Variants in LRP5 observed in about 807,000 individuals in gnomAD.
LRP5 encodes the protein low-density lipoprotein receptor-related protein 5.
A neutral mutation model predicts 154.1 loss-of-function variants in LRP5; 62 were observed. The ratio of observed to expected loss-of-function variants is 0.40; its 90% CI spans 0.33 to 0.50. The LOEUF (loss-of-function observed/expected upper bound fraction) is 0.50. Among genes scored for constraint, LRP5 ranks in the 20% least tolerant of loss-of-function variants. The probability of loss-of-function intolerance (pLI) is 0.55; values close to 1 mark genes in which losing one functional copy is unlikely to be tolerated. For synonymous variants in LRP5, 966 were observed against 1,011.5 expected, an observed-to-expected ratio of 0.96 and a Z score of 0.85; for missense variants, 1,915 against 2,336.7, an observed-to-expected ratio of 0.82 and a Z score of 3.72.
At chr11:68,358,877 G>C (rs943560715) in intron 3 of LRP5, among the ~76,000 whole-genome samples, 1 of 152,208 alleles carries the variant, frequency 6.6e-6, no homozygotes, top group African/African-American at 2.4e-5. Context: ...TGGGACGGCA[G>C]ACCCCATTCC....
chr11:68,416,234 G>GA lies in LRP5; in HGVS notation c.2828-93dup, dbSNP rs1325892665. ...GTGGACCTCCAGCGGGGCAGATGCT[G>GA]AGCCGCCTGTTGTCGAGTGGCGTGC... On this transcript the variant is annotated intron_variant, in intron 12 of 22. Coordinates refer to ENST00000294304, the MANE Select transcript of LRP5 (RefSeq NM_002335.4). 4.6e-6 allele frequency: 5 copies of GA among 1,092,020 alleles called. No homozygotes were observed. The African/African-American group carries it at 7.7e-5, about 17-fold the overall frequency. 67.6% of individuals were successfully genotyped at this position (1,092,020 alleles called of 1,614,324 possible).
intron 1 of LRP5, among the ~76,000 whole-genome samples, chr11:68,340,456 ACC>A (rs2098608282): frequency 1.6e-4 from 25 of 152,076 alleles, no homozygotes; most frequent in Admixed American, 1.6e-3. Context: ...ATTAATGAAA[ACC>A]ACTACCCCCT....
At position 68,348,206 on chromosome 11, in the gene LRP5, G is replaced by T; in HGVS notation, c.451G>T (p.Asp151Tyr). The T allele has an allele frequency of 1.2e-6, 2 of 1,610,114 alleles. No individual in the cohort carries two copies. The highest frequency in any genetic ancestry group is 1.1e-5 in the South Asian group (1 of 91,080). ...SRKVLFWQDL[D>Y]QPRAIALDPA... ...GAAGGTGCTCTTCTGGCAGGACCTTGACCAGCCGAGGGCCATCGCCTTGGA... is the reference window on the plus strand; with the variant it reads ...GAAGGTGCTCTTCTGGCAGGACCTTTACCAGCCGAGGGCCATCGCCTTGGA... The change falls in exon 2 of 23, where the codon GAC becomes TAC. Residue 151 changes from aspartate (D) to tyrosine (Y), a missense_variant. This residue lies in a region of LRP5 where 773 missense variants were observed against 1,100.9 expected (regional missense o/e 0.70). Coordinates refer to ENST00000294304, the MANE Select transcript of LRP5 (RefSeq NM_002335.4).
chr11:68,308,180 G>A (rs1035737514), upstream of LRP5, among the ~76,000 whole-genome samples: 2 of 152,240 alleles, frequency 1.3e-5, no homozygotes, highest in East Asian at 1.9e-4. Context: ...CTCCTCCGGC[G>A]CTGCCCTCAG....
At chr11:68,445,514 G>A (rs2153184681) in intron 21 of LRP5, 1 of 979,660 alleles carries the variant, frequency 1.0e-6, no homozygotes, top group Non-Finnish European at 1.4e-6. Context: ...ACCCTAGGGG[G>A]CCTGAGAGAA....
chr11:68,349,274 C>G (rs936945456), intron 2 of LRP5, among the ~76,000 whole-genome samples: 1 of 151,986 alleles, frequency 6.6e-6, no homozygotes, highest in Non-Finnish European at 1.5e-5. Context: ...CTCAGGTGAT[C>G]CACCCACCTC....
chr11:68,423,784 GGGAGA>G lies in LRP5; in HGVS notation c.3236+88_3236+92del. On this transcript the variant is annotated intron_variant, in intron 14 of 22. Transcript: ENST00000294304. This position sits in a 1 kb window ranked among gnomAD's most constrained non-coding sequence, Gnocchi z 4.7. ...CCGAATGCCAGCCTCTCACAGGCTG[GGGAGA>G]CTTTCCACCCTGGGGATCCAATGGG... The G allele has an allele frequency of 7.3e-7, 1 of 1,367,454 alleles. No individual in the cohort carries two copies. The highest frequency in any genetic ancestry group is 1.0e-6 in the Non-Finnish European group (1 of 992,048). The allele number at this position is 1,367,454 out of a possible 1,614,324, so 84.7% of individuals were successfully genotyped here.
At chr11:68,314,802 T>C (rs1051472234) in intron 1 of LRP5, among the ~76,000 whole-genome samples, 1 of 152,224 alleles carries the variant, frequency 6.6e-6, no homozygotes, top group Non-Finnish European at 1.5e-5. Context: ...GTTAACCAAG[T>C]GCTGTGTGGA....
At chr11:68,382,695 A>G (rs1330105356) in intron 5 of LRP5, among the ~76,000 whole-genome samples, 1 of 152,086 alleles carries the variant, frequency 6.6e-6, no homozygotes, top group Non-Finnish European at 1.5e-5. Flanking sequence ...CACTTCCTGC[A>G]TGTGCTGGCT....
chr11:68,357,674 T>A lies in LRP5; in HGVS notation c.513T>A (p.Gly171=). 6.2e-7 allele frequency: 1 copy of A among 1,613,958 alleles called. No homozygotes were observed. The highest frequency in any genetic ancestry group is 8.5e-7 in the Non-Finnish European group (1 of 1,179,962). The change falls in exon 3 of 23, where the codon GGT becomes GGA. Residue 171 remains glycine, a synonymous_variant. Transcript: ENST00000294304. The stretch of plus-strand genomic sequence containing the variant: ...GGTACATGTACTGGACAGACTGGGG[T>A]GAGACGCCCCGGATTGAGCGGGCAG... ...AHGYMYWTDW[G]ETPRIERAGM...
In LRP5 at chr11:68,406,601, T is replaced by A; in HGVS notation, c.1879T>A (p.Cys627Ser). 6.2e-7 allele frequency: 1 copy of A among 1,614,162 alleles called. No individual in the cohort carries two copies. Among genetic ancestry groups the A allele is most frequent in the South Asian group, 1.1e-5 (1 of 91,088 alleles). The change falls in exon 9 of 23, where the codon TGC becomes AGC. Residue 627 changes from cysteine (C) to serine (S), a missense_variant. By Grantham distance (112) the Cys-to-Ser change is moderately radical. Around this residue, in one of 3 missense-constraint regions of LRP5, gnomAD observed 773 missense variants for 1,100.9 expected, o/e 0.70. Transcript: ENST00000294304. ...FFTPHATRCG[C>S]PIGLELLSDM... ...CACACCCCACGCAACCCGGTGTGGC[T>A]GCCCCATCGGCCTGGAGCTGCTGAG...
At chr11:68,358,547 A>G (rs1591220752) in intron 3 of LRP5, among the ~76,000 whole-genome samples, 1 of 151,672 alleles carries the variant, frequency 6.6e-6, no homozygotes, top group African/African-American at 2.4e-5. Flanking sequence ...CACACGCACC[A>G]CCCCCACCCT....
chr11:68,351,991 A>AGGGAAACAGGGCCCAAGGTGTGAGGAG (rs1315234664), intron 2 of LRP5, among the ~76,000 whole-genome samples: 2 of 152,094 alleles, frequency 1.3e-5, no homozygotes, highest in Non-Finnish European at 2.9e-5. Context: ...AGCAGAATGT[A>AGGGAAACAGGGCCCAAGGTGTGAGGAG]GGGAAACAGG....
rs1301746817 is a variant in LRP5 at position 68,377,544 on chromosome 11, C to T, written c.1016-8772C>T. ...GATCCCGGGTCAAATGCTGCGGTTG[C>T]GGCATTTGCCCCACCACTTACCCCT... On this transcript the variant is annotated intron_variant, in intron 5 of 22. Transcript: ENST00000294304. 7.2e-5 allele frequency among the ~76,000 whole-genome samples: 11 copies of T among 152,202 alleles called. No individual in the cohort carries two copies. In the South Asian group the frequency reaches 1.0e-3, roughly 14 times the overall value.
intron 6 of LRP5, 90 bp from the exon 7 acceptor site, chr11:68,389,791 C>T (rs181641919): frequency 2.3e-4 from 317 of 1,359,878 alleles, no homozygotes; most frequent in South Asian, 2.3e-3. Context: ...TGATGGGGGC[C>T]GGCTTGGGGG....
Position 68,312,660 on chromosome 11 carries a change from C to A in LRP5, c.-55C>A. On this transcript the variant is annotated 5_prime_UTR_variant, in exon 1 of 23. Transcript: ENST00000294304. The stretch of plus-strand genomic sequence containing the variant: ...GGAGCCGCGCGAGGAGCCGCCGCCG[C>A]CGCGCCATGGAGCCCGAGTGAGCGC... 1 of 843,088 alleles carries A rather than the reference C, an allele frequency of 1.2e-6. No individual in the cohort carries two copies. Among genetic ancestry groups the A allele is most frequent in the Non-Finnish European group, 1.4e-6 (1 of 699,120 alleles). 52.2% of individuals were successfully genotyped at this position (843,088 alleles called of 1,614,324 possible). A position where few individuals can be genotyped will look rare whatever the true frequency, so the allele number is the denominator to read the frequency against.
chr11:68,318,362 T>C (rs2098594698), intron 1 of LRP5, among the ~76,000 whole-genome samples: 1 of 151,174 alleles, frequency 6.6e-6, no homozygotes, highest in Admixed American at 6.6e-5. Context: ...TTTTTTTTTT[T>C]TGAGTCTTGC....
intron 7 of LRP5, among the ~76,000 whole-genome samples, chr11:68,396,430 CT>C (rs919808637): frequency 1.3e-5 from 2 of 151,902 alleles, no homozygotes; most frequent in African/African-American, 2.4e-5. Flanking sequence ...GAGGAAGGTG[CT>C]TTCTGCGGGG....
At chr11:68,420,295 A>T (rs1232286567) in intron 13 of LRP5, among the ~76,000 whole-genome samples, 3 of 152,194 alleles carry the variant, frequency 2.0e-5, no homozygotes, top group Non-Finnish European at 4.4e-5. Context: ...TGTAAGTGGA[A>T]TTATACCAAT....
Sources: allele counts gnomAD v4.1 joint callset (sites outside exome capture counted in the v4.1 genomes callset), GRCh38; gene constraint gnomAD v4.1.1; regional missense constraint gnomAD v4.1.1; non-coding constraint Gnocchi (gnomAD v3.1); transcripts MANE v1.5; gene names NCBI Gene and HGNC (gene_info 2026-07-23, HGNC 2026-07-21).